Variants in RRBP1 observed in about 807,000 individuals in gnomAD.
RRBP1 encodes the protein ribosome binding protein 1.
RRBP1 carries 94 observed loss-of-function variants against 165.2 expected under a neutral mutation model. The observed-to-expected ratio is 0.57, with a 90% CI of 0.48 to 0.68. The LOEUF (loss-of-function observed/expected upper bound fraction) is 0.68. Among genes scored for constraint, RRBP1 ranks in the 30% least tolerant of loss-of-function variants. The pLI is 0.00. For synonymous variants in RRBP1, 680 were observed against 714.5 expected, an observed-to-expected ratio of 0.95 and a Z score of 0.77; for missense variants, 1,676 against 1,763.0, an observed-to-expected ratio of 0.95 and a Z score of 0.88.
chr20:17,625,633 G>T, intron 11 of RRBP1, 31 bp from the exon 12 acceptor site: 2 of 1,575,440 alleles, frequency 1.3e-6, no homozygotes, highest in Non-Finnish European at 1.7e-6. Flanking sequence ...CACCGCCTAG[G>T]CTCCAAGGGG....
In RRBP1 at chr20:17,625,496, T is replaced by C; in HGVS notation, c.3054+16A>G. On this transcript the variant is annotated intron_variant, in intron 12 of 24. Coordinates refer to ENST00000377813, the MANE Select transcript of RRBP1 (RefSeq NM_001365613.2). ...TCCCTGGCCCGTCCGTCCCCGCCTG[T>C]GCCTGCCGCACTCACATTGTTCTTC... The C allele has an allele frequency of 1.2e-6, 2 of 1,612,096 alleles. No homozygotes were observed. The highest frequency in any genetic ancestry group is 1.3e-5 in the African/African-American group (1 of 74,994).
At chr20:17,648,874 C>T (rs952180533) in intron 3 of RRBP1, among the ~76,000 whole-genome samples, 3 of 152,188 alleles carry the variant, frequency 2.0e-5, no homozygotes, top group Non-Finnish European at 4.4e-5. Context: ...AAGGAGAATA[C>T]AGTTTAAACA....
Position 17,620,813 on chromosome 20 carries a change from G to T in RRBP1, c.3415-6C>A. ...AGGTCTCTGAGCATGCCCTCCTGGG[G>T]GGAAACCGAGGTGAGGCAGGGCCCT... On this transcript the variant is annotated splice_region_variant and splice_polypyrimidine_tract_variant and intron_variant, in intron 16 of 24. Transcript: ENST00000377813. 6.3e-7 allele frequency: 1 copy of T among 1,597,806 alleles called. No individual in the cohort carries two copies.
intron 2 of RRBP1, among the ~76,000 whole-genome samples, chr20:17,678,721 T>C (rs2037126107): frequency 6.6e-6 from 1 of 152,192 alleles, no homozygotes; most frequent in Non-Finnish European, 1.5e-5. Flanking sequence ...CTAATTTGAC[T>C]CAGAAATTGA....
chr20:17,681,106 C>A (rs1394360792), intron 1 of RRBP1, among the ~76,000 whole-genome samples: 10 of 151,592 alleles, frequency 6.6e-5, no homozygotes, highest in African/African-American at 2.2e-4. Flanking sequence ...CGGGCCGGGG[C>A]GGGCACCAGG....
In RRBP1 at chr20:17,641,844, G is replaced by C; in HGVS notation, c.2137C>G (p.Gln713Glu). 2 of 1,613,996 alleles carry C rather than the reference G, an allele frequency of 1.2e-6. No homozygotes were observed. Among genetic ancestry groups the C allele is most frequent in the East Asian group, 2.2e-5 (1 of 44,886 alleles). Residue 713 changes from glutamine to glutamate, a missense_variant, in exon 5 of 25, where the codon CAG becomes GAG. By Grantham distance (29) the Gln-to-Glu change is conservative (BLOSUM62 2). Around this residue, in one of 5 missense-constraint regions of RRBP1, gnomAD observed 1,184 missense variants for 1,167.1 expected, o/e 1.01. Coordinates refer to ENST00000377813, the MANE Select transcript of RRBP1 (RefSeq NM_001365613.2). ...CTCTTGGCGACAGCCGCATCTTCCT[G>C]TTCTGTGGCCAGCAGTTTTTCCTTC... ...EEKEKLLATE[Q>E]EDAAVAKSKL... is the part of the protein sequence containing the mutation.
chr20:17,628,816 G>A (rs1713897345), intron 9 of RRBP1, among the ~76,000 whole-genome samples: 1 of 152,228 alleles, frequency 6.6e-6, no homozygotes. Context: ...CGGGAAGCTG[G>A]GGCCGTGCCT....
At chr20:17,678,159 G>C (rs1262835017) in intron 2 of RRBP1, among the ~76,000 whole-genome samples, 1 of 152,196 alleles carries the variant, frequency 6.6e-6, no homozygotes, top group Non-Finnish European at 1.5e-5. Context: ...AGGAGACTCG[G>C]CCAGAATTTG....
intron 3 of RRBP1, among the ~76,000 whole-genome samples, chr20:17,655,735 T>C (rs1344657318): frequency 1.3e-5 from 2 of 152,230 alleles, no homozygotes; most frequent in Non-Finnish European, 2.9e-5. Flanking sequence ...TTTCACAAAA[T>C]TGCTTTTCAA....
At position 17,619,702 on chromosome 20, in the gene RRBP1, C is replaced by G. The variant is rs768802766; in HGVS notation, c.3606G>C (p.Glu1202Asp). The change falls in exon 19 of 25, where the codon GAG becomes GAC. Residue 1202 changes from glutamate (E) to aspartate (D), a missense_variant. Physicochemically the swap from Glu to Asp is conservative, Grantham distance 45. Around this residue, in one of 5 missense-constraint regions of RRBP1, gnomAD observed 1,184 missense variants for 1,167.1 expected, o/e 1.01. Coordinates refer to ENST00000377813, the MANE Select transcript of RRBP1 (RefSeq NM_001365613.2). Reference protein sequence around the residue: ...DQVREHTSHLEAELEKHMAAA... With the variant: ...DQVREHTSHLDAELEKHMAAA... ...CCGCCATGTGCTTTTCCAGCTCTGC[C>G]TCCAAATGCGACGTGTGCTCCCTCA... The G allele has an allele frequency of 5.1e-5, 83 of 1,612,924 alleles. No individual in the cohort carries two copies. The highest frequency in any genetic ancestry group is 3.5e-5 in the Non-Finnish European group (41 of 1,179,846).
chr20:17,655,679 C>A (rs1404943258), intron 3 of RRBP1, among the ~76,000 whole-genome samples: 1 of 152,136 alleles, frequency 6.6e-6, no homozygotes, highest in African/African-American at 2.4e-5. Context: ...GAGGGGAGTC[C>A]AGGAGAAGAA....
In RRBP1 at chr20:17,660,245, G is replaced by C; in HGVS notation, c.263C>G (p.Pro88Arg). 6.2e-7 allele frequency: 1 copy of C among 1,611,696 alleles called. No homozygotes were observed. The highest frequency in any genetic ancestry group is 8.5e-7 in the Non-Finnish European group (1 of 1,178,708). ...AAGGAGGACAGTCACATTGGGGGCT[G>C]GATCATGATCAGGTATCTTCCCATT... ...KPNGKIPDHD[P>R]APNVTVLLRE... The change falls in exon 3 of 25, where the codon CCA becomes CGA. Residue 88 changes from proline (P) to arginine (R), a missense_variant. By Grantham distance (103) the Pro-to-Arg change is moderately radical (BLOSUM62 -2). This residue lies in a region of RRBP1 where 392 missense variants were observed against 382.5 expected (regional missense o/e 1.02). Transcript: ENST00000377813.
chr20:17,614,770 C>T lies in RRBP1; in HGVS notation c.4161G>A (p.Thr1387=), dbSNP rs767259184. 55 of 1,613,302 alleles carry T rather than the reference C, an allele frequency of 3.4e-5. 2 individuals are homozygous for T. The highest frequency in any genetic ancestry group is 1.9e-4 in the African/African-American group (14 of 74,954). ...TQEQLAREKD[T]VKKLQEQLEK... ...CCAGCTGTTCCTGCAGCTTCTTCACCGTGTCCTTCTCCCTTGCCAGCTGCT... is the reference window on the plus strand; with the variant it reads ...CCAGCTGTTCCTGCAGCTTCTTCACTGTGTCCTTCTCCCTTGCCAGCTGCT... The change falls in exon 24 of 25, where the codon ACG becomes ACA. Residue 1387 remains threonine, a synonymous_variant. Transcript: ENST00000377813.
At chr20:17,639,555 A>G (rs1320130445) in intron 5 of RRBP1, among the ~76,000 whole-genome samples, 2 of 152,226 alleles carry the variant, frequency 1.3e-5, no homozygotes, top group Non-Finnish European at 2.9e-5. Context: ...CTGTCTCACA[A>G]CATTTCCCTC....
In RRBP1 at chr20:17,619,816, T is replaced by C. The variant is rs189214744; in HGVS notation, c.3580-88A>G. ...CTCAGGGAGCAGGCTGGCCCTGGGA[T>C]AGGTGAGGCCTCTCGGGAGATCCCT... On this transcript the variant is annotated intron_variant, in intron 18 of 24. Transcript: ENST00000377813. 2.9e-5 allele frequency: 27 copies of C among 929,044 alleles called. No individual in the cohort carries two copies. In the African/African-American group the frequency reaches 4.0e-4, roughly 14 times the overall value. 57.6% of individuals were successfully genotyped at this position (929,044 alleles called of 1,614,324 possible).
chr20:17,681,083 C>T (rs1194940141), intron 1 of RRBP1, among the ~76,000 whole-genome samples: 1 of 151,752 alleles, frequency 6.6e-6, no homozygotes, highest in Admixed American at 6.5e-5. Flanking sequence ...CAGGGCGCAG[C>T]GGGAGAGCCG....
intron 6 of RRBP1, among the ~76,000 whole-genome samples, 153 bp downstream of exon 6, chr20:17,636,424 T>A (rs754811813): frequency 7.9e-5 from 12 of 152,232 alleles, no homozygotes; most frequent in Non-Finnish European, 1.5e-5. Flanking sequence ...CAACAGCCCC[T>A]GGACTCCTAA....
At chr20:17,614,622 C>T (rs2035756139) in intron 24 of RRBP1, 115 bp downstream of exon 24, 12 of 1,356,458 alleles carry the variant, frequency 8.8e-6, no homozygotes, top group Non-Finnish European at 1.2e-5. Context: ...GGGCTCCCAG[C>T]CCAGCGCTCC....
At chr20:17,668,987 T>C (rs952428310) in intron 2 of RRBP1, among the ~76,000 whole-genome samples, 2 of 152,082 alleles carry the variant, frequency 1.3e-5, no homozygotes, top group Non-Finnish European at 2.9e-5. Context: ...TCAGATCAGT[T>C]GACCTAAAAT....
Sources: gnomAD v4.1 joint callset for allele counts (sites outside exome capture counted in the v4.1 genomes callset) on GRCh38, gnomAD v4.1.1 for gene constraint, gnomAD v4.1.1 regional missense constraint, MANE v1.5 for transcripts, NCBI Gene and HGNC (gene_info 2026-07-23, HGNC 2026-07-21) for gene names.